WDR19: variants seen among roughly 807,000 people sequenced by gnomAD.
The protein encoded by WDR19 is WD repeat domain 19.
A neutral mutation model predicts 180.0 loss-of-function variants in WDR19; 121 were observed. The observed-to-expected ratio is 0.67, with a 90% CI of 0.58 to 0.78. The LOEUF is 0.78. Among genes scored for constraint, WDR19 ranks in the 30% least tolerant of loss-of-function variants. WDR19 has a pLI of 0.00. For missense variants in WDR19, 1,450 were observed against 1,640.7 expected, an observed-to-expected ratio of 0.88 and a Z score of 2.01; for synonymous variants, 497 against 540.7, an observed-to-expected ratio of 0.92 and a Z score of 1.12.
intron 15 of WDR19, 118 bp downstream of exon 15, chr4:39,225,151 T>A (rs1730119163): frequency 1.3e-6 from 1 of 744,878 alleles, no homozygotes; most frequent in Non-Finnish European, 1.9e-6. Flanking sequence ...TTGTAGTTCT[T>A]TGCTGTCATC....
chr4:39,215,303 T>TTCTG (rs1380633080), intron 10 of WDR19, among the ~76,000 whole-genome samples: 4 of 138,512 alleles, frequency 2.9e-5, no homozygotes, highest in Non-Finnish European at 5.9e-5. Context: ...TTTTCTTTGT[T>TTCTG]TCTTTCTTTC....
intron 12 of WDR19, 146 bp from the exon 13 acceptor site, chr4:39,216,988 A>G (rs769184985): frequency 1.2e-4 from 70 of 585,060 alleles, no homozygotes; most frequent in Non-Finnish European, 1.8e-4. Context: ...TTAAGATTCA[A>G]TTTAATTATT....
chr4:39,223,764 T>G (rs1729951983), intron 14 of WDR19, among the ~76,000 whole-genome samples: 1 of 152,230 alleles, frequency 6.6e-6, no homozygotes, highest in African/African-American at 2.4e-5. Flanking sequence ...TTACTATAGC[T>G]ATAAAAAGAA....
At chr4:39,183,516 T>C (rs535162059) in intron 1 of WDR19, among the ~76,000 whole-genome samples, 1 of 152,122 alleles carries the variant, frequency 6.6e-6, no homozygotes, top group Non-Finnish European at 1.5e-5. Context: ...CCCAAAGTGC[T>C]GAGATTACAG....
chr4:39,274,959 G>C lies in WDR19; in HGVS notation c.3716+1G>C, dbSNP rs1191056931. 1 of 1,613,844 alleles carries C rather than the reference G, an allele frequency of 6.2e-7. No individual in the cohort carries two copies. Among genetic ancestry groups the C allele is most frequent in the Non-Finnish European group, 8.5e-7 (1 of 1,179,876 alleles). On this transcript the variant is annotated splice_donor_variant, in intron 33 of 36. Coordinates refer to ENST00000399820, the MANE Select transcript of WDR19 (RefSeq NM_025132.4). LOFTEE classifies it high-confidence loss of function. ...AAAAGAAGATCGAGGGAATGGTCAG[G>C]TAGGCAGAGATGGCTATTTCTGCTA... is the stretch of plus-strand genomic sequence containing the variant.
At chr4:39,263,511 G>C (rs1734498373) in intron 28 of WDR19, among the ~76,000 whole-genome samples, 2 of 152,034 alleles carry the variant, frequency 1.3e-5, no homozygotes, top group African/African-American at 4.8e-5. Flanking sequence ...ACCCTGCCGT[G>C]AGTTGCCTTT....
At chr4:39,188,805 C>G (rs1368714682) in intron 3 of WDR19, among the ~76,000 whole-genome samples, 1 of 152,070 alleles carries the variant, frequency 6.6e-6, no homozygotes, top group Non-Finnish European at 1.5e-5. Context: ...AGCTGGAGTA[C>G]AGTGACACAA....
At chr4:39,274,372 G>GT (rs1241611436) in intron 32 of WDR19, 3 of 161,116 alleles carry the variant, frequency 1.9e-5, no homozygotes. Context: ...TGTGGTAAGA[G>GT]TATTTTTTAA....
chr4:39,200,121 G>A (rs6814975), intron 6 of WDR19, among the ~76,000 whole-genome samples: 147,769 of 152,328 alleles, frequency 0.97, 71,827 homozygotes, highest in Middle Eastern at 1. Context: ...ACATAATGTG[G>A]CCAATGGGAA....
At chr4:39,245,719 T>A (rs1387888566) in intron 24 of WDR19, among the ~76,000 whole-genome samples, 1 of 152,192 alleles carries the variant, frequency 6.6e-6, no homozygotes, top group Non-Finnish European at 1.5e-5. Flanking sequence ...TGATATGGCA[T>A]GAAAATAAAG....
At position 39,269,804 on chromosome 4, in the gene WDR19, TGACA is replaced by T. The variant is rs578248918; in HGVS notation, c.3359-157_3359-154del. Among the ~76,000 whole-genome samples the T allele has an allele frequency of 4.6e-5, 7 of 152,250 alleles. No homozygotes were observed. In the East Asian group the frequency reaches 1.2e-3, roughly 25 times the overall value. ...TGGTGACAGAGCGAGACCCTATCTCTGACAGACAGACAGACAGATAAATAGGAAA... is the reference window on the plus strand; with the variant it reads ...TGGTGACAGAGCGAGACCCTATCTCTGACAGACAGACAGATAAATAGGAAA... On this transcript the variant is annotated intron_variant, in intron 30 of 36. Transcript: ENST00000399820.
At chr4:39,238,617 G>A (rs1731599621) in intron 20 of WDR19, among the ~76,000 whole-genome samples, 1 of 152,106 alleles carries the variant, frequency 6.6e-6, no homozygotes, top group African/African-American at 2.4e-5. Flanking sequence ...TTCCACTTAG[G>A]AACATTGCTG....
chr4:39,276,836 A>G, intron 33 of WDR19, 184 bp from the exon 34 acceptor site: 1 of 655,952 alleles, frequency 1.5e-6, no homozygotes, highest in African/African-American at 1.8e-5. Flanking sequence ...AATCCTAGGT[A>G]CTCTTCCTCC....
At chr4:39,186,831 T>C (rs1263992477) in intron 3 of WDR19, among the ~76,000 whole-genome samples, 1 of 152,156 alleles carries the variant, frequency 6.6e-6, no homozygotes, top group Non-Finnish European at 1.5e-5. Context: ...TACGGCAGGA[T>C]TATAAATCAG....
chr4:39,234,283 ATATATT>A (rs952681786), intron 19 of WDR19, among the ~76,000 whole-genome samples: 1 of 152,188 alleles, frequency 6.6e-6, no homozygotes, highest in Admixed American at 6.5e-5. Context: ...CCACAGGAAC[ATATATT>A]TACATTTTAG....
chr4:39,232,940 G>T (rs1731027031), intron 19 of WDR19, among the ~76,000 whole-genome samples: 2 of 152,046 alleles, frequency 1.3e-5, no homozygotes, highest in Admixed American at 6.6e-5. Context: ...ATTACTAATT[G>T]AAATCTAAAT....
intron 14 of WDR19, 165 bp downstream of exon 14, chr4:39,218,270 G>A (rs1729288703): frequency 1.1e-6 from 1 of 904,416 alleles, no homozygotes; most frequent in South Asian, 1.9e-5. Flanking sequence ...CTTTGCAGTG[G>A]GGATACATTC....
At chr4:39,257,595 T>A in intron 28 of WDR19, 41 bp downstream of exon 28, 1 of 1,535,654 alleles carries the variant, frequency 6.5e-7, no homozygotes, top group South Asian at 1.2e-5. Flanking sequence ...ATGCCAATTT[T>A]TTAAAAAACT....
At chr4:39,223,661 A>G (rs1440138958) in intron 14 of WDR19, among the ~76,000 whole-genome samples, 2 of 152,138 alleles carry the variant, frequency 1.3e-5, no homozygotes, top group Non-Finnish European at 2.9e-5. Context: ...CATCTTTAAA[A>G]CAGGAAAAAG....
Sources: gnomAD v4.1 joint callset for allele counts (sites outside exome capture counted in the v4.1 genomes callset) on GRCh38, gnomAD v4.1.1 for gene constraint, MANE v1.5 for transcripts, NCBI Gene and HGNC (gene_info 2026-07-23, HGNC 2026-07-21) for gene names.